Variants in CBFA2T3 observed in about 807,000 individuals in gnomAD.
CBFA2T3 encodes the protein CBFA2/RUNX1 partner transcriptional co-repressor 3.
CBFA2T3 carries 31 observed loss-of-function variants against 58.6 expected under a neutral mutation model. The observed-to-expected ratio is 0.53, with a 90% CI of 0.40 to 0.71. CBFA2T3 has a LOEUF of 0.71. Ranked by LOEUF, CBFA2T3 falls within the 30% of genes least tolerant of loss-of-function variation. The probability of loss-of-function intolerance (pLI) is 0.00; values close to 1 mark genes in which losing one functional copy is unlikely to be tolerated. For missense variants in CBFA2T3, 1,076 were observed against 963.1 expected, an observed-to-expected ratio of 1.12 and a Z score of -1.55; for synonymous variants, 531 against 421.9, an observed-to-expected ratio of 1.26 and a Z score of -3.17.
chr16:88,908,180 A>G (rs1337264322), intron 1 of CBFA2T3, among the ~76,000 whole-genome samples: 3 of 152,156 alleles, frequency 2.0e-5, no homozygotes, highest in Non-Finnish European at 4.4e-5. Context: ...CGTCTCTACT[A>G]AAAATGCAAA....
At chr16:88,963,075 G>A (rs1475211019) in intron 1 of CBFA2T3, among the ~76,000 whole-genome samples, 4 of 152,218 alleles carry the variant, frequency 2.6e-5, no homozygotes, top group African/African-American at 9.6e-5. Flanking sequence ...GCCCTGGGCA[G>A]ATGCGTAGCT....
At chr16:88,879,575 T>C (rs749858270) in intron 10 of CBFA2T3, 115 bp from the exon 11 acceptor site, 13 of 896,400 alleles carry the variant, frequency 1.5e-5, no homozygotes, top group Non-Finnish European at 1.9e-5. Flanking sequence ...TGAACACACG[T>C]ACCATCTGTG....
chr16:88,940,067 AAGCCTGAC>A (rs1971659987), intron 1 of CBFA2T3: 1 of 152,006 alleles, frequency 6.6e-6, no homozygotes, highest in Non-Finnish European at 1.5e-5. Flanking sequence ...CTGGGGCCAC[AAGCCTGAC>A]AGCTACCGAC....
At chr16:88,889,467 G>A (rs1969535593) in intron 5 of CBFA2T3, among the ~76,000 whole-genome samples, 1 of 151,774 alleles carries the variant, frequency 6.6e-6, no homozygotes, top group Non-Finnish European at 1.5e-5. Flanking sequence ...CCTTGGGGAG[G>A]GACTGAGGGG....
intron 1 of CBFA2T3, among the ~76,000 whole-genome samples, chr16:88,916,781 G>A (rs575426547): frequency 6.6e-6 from 1 of 152,276 alleles, no homozygotes; most frequent in East Asian, 1.9e-4. Context: ...CCTTGCTACA[G>A]CCCCTGGGGG....
intron 2 of CBFA2T3, 88 bp downstream of exon 2, chr16:88,901,416 G>A (rs988336781): frequency 4.6e-6 from 3 of 654,188 alleles, no homozygotes; most frequent in African/African-American, 3.8e-5. Context: ...GTGCCCGCTG[G>A]CTCCGGGCAG....
intron 10 of CBFA2T3, 56 bp downstream of exon 10, chr16:88,880,664 T>C (rs867184969): frequency 1.4e-6 from 2 of 1,439,666 alleles, no homozygotes; most frequent in South Asian, 1.2e-5. Flanking sequence ...GAGAGGCGCA[T>C]CTGGGGCCCT....
chr16:88,898,129 G>C lies in CBFA2T3; in HGVS notation c.328C>G (p.Leu110Val), dbSNP rs1442570963. The stretch of plus-strand genomic sequence containing the variant: ...CAGCCATGAAAACGGCCGTGGGGCA[G>C]CGTCGCAGGCCCGTCCTCTCGATCT... The part of the protein sequence containing the change: ...HTHREDGPAT[L>V]PHGRFHGCLK... The change falls in exon 3 of 12, where the codon CTG (leucine) becomes GTG (valine). Residue 110 changes from leucine to valine, a missense_variant. Coordinates refer to ENST00000268679, the MANE Select transcript of CBFA2T3 (RefSeq NM_005187.6). 3 of 1,612,898 alleles carry C rather than the reference G, an allele frequency of 1.9e-6. No homozygotes were observed. The highest frequency in any genetic ancestry group is 2.5e-6 in the Non-Finnish European group (3 of 1,179,636).
At chr16:88,907,144 C>T (rs970317886) in intron 1 of CBFA2T3, among the ~76,000 whole-genome samples, 30 of 152,206 alleles carry the variant, frequency 2.0e-4, no homozygotes, top group Admixed American at 2.0e-3. Flanking sequence ...TGCAAGGGGA[C>T]CCCGGTCCCC....
At chr16:88,976,608 G>T in intron 1 of CBFA2T3, 49 bp downstream of exon 1, 1 of 1,411,776 alleles carries the variant, frequency 7.1e-7, no homozygotes, top group Non-Finnish European at 9.7e-7. Flanking sequence ...CCCGGCACCG[G>T]CTGCCGCTCT....
At position 88,885,990 on chromosome 16, in the gene CBFA2T3, G is replaced by T. The variant is rs1212665439; in HGVS notation, c.864C>A (p.Asn288Lys). ...CGGGCGTCCTCCTCTTGCCGTTCTCGTTGACTTCCAGTAGCAGCTCTGAGG... is the reference window on the plus strand; with the variant it reads ...CGGGCGTCCTCCTCTTGCCGTTCTCTTTGACTTCCAGTAGCAGCTCTGAGG... ...IDSSELLLEV[N>K]ENGKRRTPDR... The change falls in exon 6 of 12, where the codon AAC becomes AAA. Residue 288 changes from asparagine to lysine, a missense_variant. Physicochemically the swap from Asn to Lys is moderately conservative, Grantham distance 94 (BLOSUM62 0). Transcript: ENST00000268679. The surrounding 1 kb of genome is among the most constrained non-coding windows in gnomAD (Gnocchi z 5.3). The T allele has an allele frequency of 6.4e-7, 1 of 1,553,892 alleles. No homozygotes were observed. The highest frequency in any genetic ancestry group is 8.7e-7 in the Non-Finnish European group (1 of 1,149,526).
intron 1 of CBFA2T3, among the ~76,000 whole-genome samples, chr16:88,931,539 C>T (rs1021634762): frequency 1.3e-5 from 2 of 152,112 alleles, no homozygotes; most frequent in Admixed American, 6.5e-5. Context: ...GGGCCGGCCC[C>T]GTGGACGAGC....
chr16:88,940,199 G>GGGGT (rs113041381), intron 1 of CBFA2T3: 1,636 of 154,728 alleles, frequency 0.011, 36 homozygotes, highest in African/African-American at 0.037. Context: ...GGGTGAATGA[G>GGGGT]GGGTGGGCAC....
chr16:88,903,220 G>A (rs974225097), intron 1 of CBFA2T3, among the ~76,000 whole-genome samples: 8 of 152,204 alleles, frequency 5.3e-5, no homozygotes, highest in Non-Finnish European at 8.8e-5. Flanking sequence ...TGCCAAATAC[G>A]GCACAAACCT....
chr16:88,919,618 G>A (rs2142731599), intron 1 of CBFA2T3, among the ~76,000 whole-genome samples: 1 of 152,324 alleles, frequency 6.6e-6, no homozygotes, highest in Middle Eastern at 3.4e-3. Context: ...CACGCATGGT[G>A]CAGGGCAAGC....
intron 1 of CBFA2T3, among the ~76,000 whole-genome samples, chr16:88,930,293 T>C (rs1282354291): frequency 6.7e-6 from 1 of 149,102 alleles, no homozygotes; most frequent in Admixed American, 6.6e-5. Flanking sequence ...AAGCTACCAA[T>C]ACCCACAGCT....
chr16:88,882,340 G>C (rs2142539802), intron 8 of CBFA2T3, among the ~76,000 whole-genome samples: 1 of 152,120 alleles, frequency 6.6e-6, no homozygotes, highest in African/African-American at 2.4e-5. Flanking sequence ...GTGTGGGCAT[G>C]GCTGTGCGTG....
At chr16:88,915,817 T>G (rs1178933759) in intron 1 of CBFA2T3, among the ~76,000 whole-genome samples, 1 of 151,516 alleles carries the variant, frequency 6.6e-6, no homozygotes. Flanking sequence ...GCGGGCGCCC[T>G]GGTGGGCTGT....
chr16:88,917,313 G>A (rs912997623), intron 1 of CBFA2T3, among the ~76,000 whole-genome samples: 2 of 152,158 alleles, frequency 1.3e-5, no homozygotes, highest in African/African-American at 4.8e-5. Context: ...TGAAGGCTGC[G>A]GAACTGGCAC....
Sources: gnomAD v4.1 joint callset for allele counts (sites outside exome capture counted in the v4.1 genomes callset) on GRCh38, gnomAD v4.1.1 for gene constraint, Gnocchi (gnomAD v3.1) non-coding constraint, MANE v1.5 for transcripts, NCBI Gene and HGNC (gene_info 2026-07-23, HGNC 2026-07-21) for gene names.